SGCZ: variants seen among roughly 807,000 people sequenced by gnomAD.
The protein encoded by SGCZ is zeta-sarcoglycan.
Under a neutral mutation model 41.3 loss-of-function variants are expected in SGCZ, and 40 were observed. That is an observed-to-expected ratio of 0.97 (90% CI 0.75 to 1.26). The LOEUF (loss-of-function observed/expected upper bound fraction) is 1.26. Among genes scored for constraint, SGCZ ranks in the 50% most tolerant of loss-of-function variants. The pLI, the probability that SGCZ is intolerant of heterozygous loss-of-function variation, is 0.00. For synonymous variants in SGCZ, 206 were observed against 137.5 expected (o/e 1.50, Z -3.49); for missense variants, 552 against 369.8 (o/e 1.49, Z -4.04).
chr8:14,309,646 C>T (rs1801462911), intron 3 of SGCZ: 1 of 1,610,648 alleles, frequency 6.2e-7, no homozygotes, highest in Non-Finnish European at 8.5e-7. Context: ...AAGAGCGGCT[C>T]CACCACTAAA....
chr8:14,487,810 C>G (rs1377477920), intron 2 of SGCZ: 1 of 151,342 alleles, frequency 6.6e-6, no homozygotes, highest in Non-Finnish European at 1.5e-5. Context: ...TACATGTCAT[C>G]TTTGGACAGG....
chr8:14,844,030 A>C (rs1168872059), intron 1 of SGCZ, among the ~76,000 whole-genome samples: 2 of 151,050 alleles, frequency 1.3e-5, no homozygotes, highest in Non-Finnish European at 2.9e-5. Context: ...AATAATATTT[A>C]TATAATTCAC....
intron 1 of SGCZ, among the ~76,000 whole-genome samples, chr8:14,569,934 T>C (rs1175841074): frequency 7.1e-6 from 1 of 141,810 alleles, no homozygotes; most frequent in Non-Finnish European, 1.5e-5. Flanking sequence ...CAGAATCTCA[T>C]GGGGCACTGG....
chr8:14,624,555 A>ATTAT (rs1438250019), intron 1 of SGCZ, among the ~76,000 whole-genome samples: 5 of 96,250 alleles, frequency 5.2e-5, no homozygotes, highest in African/African-American at 2.0e-4. Context: ...TATTATTATT[A>ATTAT]TTTTTTTTTT....
At chr8:14,767,961 G>C (rs746001411) in intron 1 of SGCZ, among the ~76,000 whole-genome samples, 49 of 152,148 alleles carry the variant, frequency 3.2e-4, no homozygotes, top group Admixed American at 7.9e-4. Context: ...TCTTGAGTAA[G>C]AAAATCCAAA....
intron 2 of SGCZ, among the ~76,000 whole-genome samples, chr8:14,480,259 C>T (rs1423946481): frequency 1.3e-5 from 2 of 152,162 alleles, no homozygotes; most frequent in Non-Finnish European, 2.9e-5. Flanking sequence ...TATTCTAGTA[C>T]ATTACACTTA....
intron 3 of SGCZ, among the ~76,000 whole-genome samples, chr8:14,239,111 T>C (rs1167407210): frequency 6.6e-6 from 1 of 152,014 alleles, no homozygotes; most frequent in South Asian, 2.1e-4. Flanking sequence ...AATTACATCA[T>C]CCTAATCAAG....
At chr8:14,885,984 GTTATATATATATATATAT>G (rs1247367842) in intron 1 of SGCZ, among the ~76,000 whole-genome samples, 1 of 58,382 alleles carries the variant, frequency 1.7e-5, no homozygotes, top group African/African-American at 6.6e-5. Context: ...AGGACTTTAT[GTTATATATATATATATAT>G]ATATATATAT....
At chr8:15,104,885 GT>G (rs1490146058) in intron 1 of SGCZ, among the ~76,000 whole-genome samples, 7 of 152,084 alleles carry the variant, frequency 4.6e-5, no homozygotes, top group African/African-American at 1.7e-4. Context: ...GTATACATTT[GT>G]CTTAAAACTT....
intron 1 of SGCZ, among the ~76,000 whole-genome samples, chr8:15,007,395 T>C (rs1197771211): frequency 6.6e-6 from 1 of 152,236 alleles, no homozygotes; most frequent in Non-Finnish European, 1.5e-5. Flanking sequence ...ACTCTTGAAT[T>C]CAGCATTGTA....
intron 1 of SGCZ, among the ~76,000 whole-genome samples, chr8:14,712,026 T>A (rs1457664024): frequency 6.6e-6 from 1 of 152,108 alleles, no homozygotes; most frequent in African/African-American, 2.4e-5. Flanking sequence ...CCCAGCACTT[T>A]TGGAGGCTGA....
At chr8:14,930,922 G>A (rs1396090216) in intron 1 of SGCZ, among the ~76,000 whole-genome samples, 2 of 151,934 alleles carry the variant, frequency 1.3e-5, no homozygotes, top group African/African-American at 4.8e-5. Context: ...TTAGATGACA[G>A]TTGATGGGTG....
At chr8:14,908,778 G>C (rs1585369278) in intron 1 of SGCZ, among the ~76,000 whole-genome samples, 1 of 146,704 alleles carries the variant, frequency 6.8e-6, no homozygotes, top group Non-Finnish European at 1.5e-5. Flanking sequence ...GAGAGATTCA[G>C]AGAACCTAAT....
rs1472909070 is a variant in SGCZ at position 15,164,852 on chromosome 8, C to T, written c.39+72733G>A. 3.9e-5 allele frequency among the ~76,000 whole-genome samples: 6 copies of T among 152,062 alleles called. No individual in the cohort carries two copies. In the South Asian group the frequency reaches 1.2e-3, roughly 32 times the overall value. ...GGGTATGGCTGTAACCCCTTGGCAACGCTTTGCTTAGCAGTCCTGACTTAC... is the reference window on the plus strand; with the variant it reads ...GGGTATGGCTGTAACCCCTTGGCAATGCTTTGCTTAGCAGTCCTGACTTAC... On this transcript the variant is annotated intron_variant, in intron 1 of 7. Transcript: ENST00000382080.
At chr8:14,342,706 A>C (rs1400702376) in intron 2 of SGCZ, among the ~76,000 whole-genome samples, 1 of 152,182 alleles carries the variant, frequency 6.6e-6, no homozygotes, top group South Asian at 2.1e-4. Context: ...CAGAGCATAA[A>C]GGCTTGGAAA....
chr8:14,472,053 T>G (rs977522499), intron 2 of SGCZ, among the ~76,000 whole-genome samples: 6 of 152,140 alleles, frequency 3.9e-5, no homozygotes, highest in African/African-American at 7.2e-5. Flanking sequence ...AGACTGTTCC[T>G]ACCAAACTAC....
At chr8:14,893,481 G>T (rs1805091531) in intron 1 of SGCZ, among the ~76,000 whole-genome samples, 2 of 152,066 alleles carry the variant, frequency 1.3e-5, no homozygotes, top group Non-Finnish European at 2.9e-5. Flanking sequence ...AATTAATAGA[G>T]GCCAAAAAAG....
rs142308540 is a variant in SGCZ at position 15,205,903 on chromosome 8, T to C, written c.39+31682A>G. ...ACAGATGAGATGGAATACTATGCAG[T>C]CATAAAAAAGAATGAAATTGTGTCT... On this transcript the variant is annotated intron_variant, in intron 1 of 7. Transcript: ENST00000382080. Among the ~76,000 whole-genome samples the C allele has an allele frequency of 5.0e-3, 766 of 152,186 alleles. 7 individuals carry two copies. Among genetic ancestry groups the C allele is most frequent in the African/African-American group, 0.017 (717 of 41,530 alleles).
intron 3 of SGCZ, among the ~76,000 whole-genome samples, chr8:14,283,041 G>A (rs1284690807): frequency 2.0e-5 from 3 of 150,778 alleles, no homozygotes; most frequent in Non-Finnish European, 4.4e-5. Context: ...AGTAGAGACG[G>A]GGTTTCACCG....
Sources: allele counts gnomAD v4.1 joint callset (sites outside exome capture counted in the v4.1 genomes callset), GRCh38; gene constraint gnomAD v4.1.1; transcripts MANE v1.5; gene names NCBI Gene and HGNC (gene_info 2026-07-23, HGNC 2026-07-21).